Variants in EEA1 observed in about 807,000 individuals in gnomAD.
EEA1 encodes the protein early endosome antigen 1, 162kD.
Under a neutral mutation model 209.2 loss-of-function variants are expected in EEA1, and 111 were observed. The ratio of observed to expected loss-of-function variants is 0.53; its 90% CI spans 0.45 to 0.62. EEA1 has a LOEUF of 0.62. EEA1 is among the 20% of genes least tolerant of loss of function. The probability of loss-of-function intolerance (pLI) is 0.00; values close to 1 mark genes in which losing one functional copy is unlikely to be tolerated. For missense variants in EEA1, 1,343 were observed against 1,530.8 expected, an observed-to-expected ratio of 0.88 and a Z score of 2.05; for synonymous variants, 536 against 540.6, an observed-to-expected ratio of 0.99 and a Z score of 0.12.
intron 9 of EEA1, among the ~76,000 whole-genome samples, chr12:92,844,891 A>T (rs1877326060): frequency 6.6e-6 from 1 of 152,116 alleles, no homozygotes; most frequent in South Asian, 2.1e-4. Context: ...CATAAAATTT[A>T]TTAAGCCAAG....
At chr12:92,834,190 T>C (rs1297497035) in intron 10 of EEA1, among the ~76,000 whole-genome samples, 17 of 151,902 alleles carry the variant, frequency 1.1e-4, no homozygotes, top group African/African-American at 7.3e-5. Flanking sequence ...AGTAAGCTAA[T>C]GTTACTTATC....
At chr12:92,872,950 T>A (rs1565844369) in intron 2 of EEA1, among the ~76,000 whole-genome samples, 2 of 151,466 alleles carry the variant, frequency 1.3e-5, no homozygotes, top group Non-Finnish European at 2.9e-5. Flanking sequence ...TCAGACTCTG[T>A]CTCAAACAAA....
At chr12:92,826,103 T>C in intron 13 of EEA1, 63 bp downstream of exon 13, 2 of 1,535,640 alleles carry the variant, frequency 1.3e-6, no homozygotes, top group Non-Finnish European at 1.8e-6. Context: ...ATTTTTTCTC[T>C]TATATTCTAT....
intron 1 of EEA1, among the ~76,000 whole-genome samples, chr12:92,923,562 T>A (rs61935353): frequency 0.26 from 39,132 of 151,970 alleles, 5,545 homozygotes; most frequent in Non-Finnish European, 0.32. Flanking sequence ...GTCACTGCCA[T>A]CCTCTGCAAA....
chr12:92,805,329 G>A (rs919129928), intron 18 of EEA1, among the ~76,000 whole-genome samples: 1 of 152,110 alleles, frequency 6.6e-6, no homozygotes, highest in African/African-American at 2.4e-5. Flanking sequence ...TACTAGATAT[G>A]AAAATGAGAA....
rs149942331 is a variant in EEA1, at chr12:92,792,869, G to A, written c.2968-4820C>T. On this transcript the variant is annotated intron_variant, in intron 21 of 28. Coordinates refer to ENST00000322349, the MANE Select transcript of EEA1 (RefSeq NM_003566.4). ...GTCAATATCCCTGATGAACATCGATGCGAAAATCCTCAAATAAAATACTGG... is the reference window on the plus strand; with the variant it reads ...GTCAATATCCCTGATGAACATCGATACGAAAATCCTCAAATAAAATACTGG... Among the ~76,000 whole-genome samples, 1,231 of 152,256 alleles carry A rather than the reference G, an allele frequency of 8.1e-3. 24 individuals are homozygous for A. Among genetic ancestry groups the A allele is most frequent in the African/African-American group, 0.027 (1,121 of 41,544 alleles).
At chr12:92,795,773 T>C (rs1302294789) in intron 21 of EEA1, among the ~76,000 whole-genome samples, 2 of 152,226 alleles carry the variant, frequency 1.3e-5, no homozygotes, top group African/African-American at 4.8e-5. Flanking sequence ...AATTCCTGGA[T>C]ATCTTTTTCA....
intron 16 of EEA1, 146 bp from the exon 17 acceptor site, chr12:92,811,580 G>T: frequency 2.1e-6 from 1 of 475,316 alleles, no homozygotes; most frequent in Non-Finnish European, 3.4e-6. Context: ...TATATCAGAG[G>T]CTATACTTAC....
intron 11 of EEA1, among the ~76,000 whole-genome samples, chr12:92,829,264 G>A (rs919252645): frequency 3.3e-5 from 5 of 151,870 alleles, no homozygotes; most frequent in African/African-American, 7.3e-5. Context: ...CTGAAATCTC[G>A]CCACTGCACT....
At chr12:92,885,288 C>T (rs1244733246) in intron 2 of EEA1, among the ~76,000 whole-genome samples, 1 of 151,804 alleles carries the variant, frequency 6.6e-6, no homozygotes, top group East Asian at 1.9e-4. Flanking sequence ...TAGCTTTCAC[C>T]CTGAATATTT....
At chr12:92,854,672 T>C (rs533990279) in intron 5 of EEA1, among the ~76,000 whole-genome samples, 2 of 152,360 alleles carry the variant, frequency 1.3e-5, no homozygotes, top group South Asian at 2.1e-4. Context: ...CCATATCCTA[T>C]TGGCCTTAGA....
At chr12:92,829,687 G>A (rs1045956240) in intron 11 of EEA1, among the ~76,000 whole-genome samples, 3 of 150,052 alleles carry the variant, frequency 2.0e-5, no homozygotes, top group Non-Finnish European at 4.4e-5. Context: ...GCTGAGGCAC[G>A]AGAATTGCTT....
At chr12:92,854,120 G>A (rs944461591) in intron 5 of EEA1, among the ~76,000 whole-genome samples, 166 bp from the exon 6 acceptor site, 4 of 152,180 alleles carry the variant, frequency 2.6e-5, no homozygotes, top group African/African-American at 9.7e-5. Context: ...ATCTGTAAGA[G>A]ACCAGCAGGC....
intron 9 of EEA1, 72 bp downstream of exon 9, chr12:92,851,039 C>A: frequency 7.1e-7 from 1 of 1,409,838 alleles, no homozygotes. Context: ...AATCTCAAAT[C>A]CTGGCTTCAC....
intron 18 of EEA1, among the ~76,000 whole-genome samples, chr12:92,803,739 A>C (rs550533996): frequency 1.3e-5 from 2 of 152,254 alleles, no homozygotes; most frequent in African/African-American, 4.8e-5. Flanking sequence ...TTAAAGCTTA[A>C]TAGGTTCACA....
intron 2 of EEA1, among the ~76,000 whole-genome samples, chr12:92,879,096 G>A (rs917283670): frequency 2.0e-5 from 3 of 151,596 alleles, no homozygotes; most frequent in African/African-American, 4.8e-5. Context: ...TATCCCTCAT[G>A]ACCAAATGAA....
chr12:92,833,150 C>T (rs748433318), intron 10 of EEA1, among the ~76,000 whole-genome samples: 1 of 151,936 alleles, frequency 6.6e-6, no homozygotes, highest in African/African-American at 2.4e-5. Context: ...TATATTCTTC[C>T]ACTTGAGTTA....
intron 1 of EEA1, among the ~76,000 whole-genome samples, chr12:92,925,104 T>C (rs1424083465): frequency 6.9e-6 from 1 of 144,598 alleles, no homozygotes; most frequent in Non-Finnish European, 1.5e-5. Context: ...CACTGGACGC[T>C]AAACTCCACA....
At chr12:92,902,992 C>A (rs1435494461) in intron 1 of EEA1, among the ~76,000 whole-genome samples, 1 of 148,916 alleles carries the variant, frequency 6.7e-6, no homozygotes, top group Admixed American at 6.7e-5. Flanking sequence ...TGGAGTGCAG[C>A]GGCGCGATCT....
Sources: gnomAD v4.1 joint callset for allele counts (sites outside exome capture counted in the v4.1 genomes callset) on GRCh38, gnomAD v4.1.1 for gene constraint, MANE v1.5 for transcripts, NCBI Gene and HGNC (gene_info 2026-07-23, HGNC 2026-07-21) for gene names.